ALG6: variants seen among roughly 807,000 people sequenced by gnomAD.
ALG6 encodes the protein ALG6 alpha-1,3-glucosyltransferase.
In ALG6, 46 loss-of-function variants were observed where a neutral mutation model predicts 66.6. The ratio of observed to expected loss-of-function variants is 0.69; its 90% CI spans 0.55 to 0.88. The LOEUF is 0.88. ALG6 is among the 40% of genes least tolerant of loss of function. ALG6 has a pLI of 0.00. For synonymous variants in ALG6, 185 were observed against 203.7 expected, an observed-to-expected ratio of 0.91 and a Z score of 0.78; for missense variants, 505 against 586.8, an observed-to-expected ratio of 0.86 and a Z score of 1.44.
In ALG6 at chr1:63,414,084, C is replaced by A. The variant is rs780422877; in HGVS notation, c.840C>A (p.Cys280Ter). The change falls in exon 10 of 15, where the codon TGC becomes TGA. Residue 280 changes from cysteine (C) to a stop codon, truncating the protein, a stop_gained. Transcript: ENST00000263440. LOFTEE classifies it high-confidence loss of function. ...LFEDKVANIW[C>*]SFNVFLKIKD... ...AGGATAAAGTAGCCAATATTTGGTG[C>A]AGCTTCAATGTCTTTCTGAAGATTA... The A allele has an allele frequency of 1.2e-6, 2 of 1,612,242 alleles. No individual in the cohort carries two copies. Among genetic ancestry groups the A allele is most frequent in the South Asian group, 2.2e-5 (2 of 91,052 alleles).
At chr1:63,400,223 G>GTATATA (rs1192053870) in intron 3 of ALG6, among the ~76,000 whole-genome samples, 2 of 6,134 alleles carry the variant, frequency 3.3e-4, no homozygotes, top group South Asian at 9.3e-3. Flanking sequence ...ATATATATAC[G>GTATATA]TATATATATA....
intron 5 of ALG6, among the ~76,000 whole-genome samples, chr1:63,405,586 C>T (rs1008955251): frequency 2.6e-5 from 4 of 152,046 alleles, no homozygotes; most frequent in South Asian, 4.1e-4. Flanking sequence ...TGAGGACTCT[C>T]GCCACTCTTT....
At chr1:63,407,777 C>T (rs1239951824) in intron 7 of ALG6, among the ~76,000 whole-genome samples, 8 of 149,732 alleles carry the variant, frequency 5.3e-5, no homozygotes, top group Admixed American at 3.4e-4. Flanking sequence ...AATAGCTTTT[C>T]CTTTTGATGC....
At chr1:63,428,892 A>G in intron 13 of ALG6, 36 bp from the exon 14 acceptor site, 1 of 1,597,294 alleles carries the variant, frequency 6.3e-7, no homozygotes, top group African/African-American at 1.3e-5. Context: ...TTGAATTGAT[A>G]ATTCTCTTGT....
intron 14 of ALG6, among the ~76,000 whole-genome samples, chr1:63,435,751 A>G (rs751859151): frequency 6.6e-6 from 1 of 151,952 alleles, no homozygotes; most frequent in Non-Finnish European, 1.5e-5. Context: ...ATTTAAATAA[A>G]AATTCTGTTC....
intron 12 of ALG6, among the ~76,000 whole-genome samples, chr1:63,422,252 T>TATTTATATAAATATAG (rs1280478627): frequency 5.3e-5 from 5 of 94,280 alleles, no homozygotes; most frequent in African/African-American, 2.2e-4. Flanking sequence ...TAAATATATA[T>TATTTATATAAATATAG]ATTTATATAG....
intron 3 of ALG6, among the ~76,000 whole-genome samples, chr1:63,397,434 C>A (rs1648859455): frequency 6.6e-6 from 1 of 152,106 alleles, no homozygotes; most frequent in African/African-American, 2.4e-5. Context: ...ATCCACCCAC[C>A]TTGACCTCCC....
At chr1:63,400,268 C>CAT (rs1644450730) in intron 3 of ALG6, among the ~76,000 whole-genome samples, 2 of 12,984 alleles carry the variant, frequency 1.5e-4, no homozygotes, top group Non-Finnish European at 2.8e-4. Flanking sequence ...TATATATATA[C>CAT]GTATATATAT....
In ALG6 at chr1:63,381,560, C is replaced by T. The variant is rs145941201; in HGVS notation, c.82+10501C>T. Among the ~76,000 whole-genome samples the T allele has an allele frequency of 4.7e-4, 71 of 151,996 alleles. No homozygotes were observed. In the East Asian group the frequency reaches 0.014, roughly 29 times the overall value. ...TGATAGTGGGGGCTGAGGGGGGATC[C>T]CTTGAGCCCAGAAGGTCAAGGCCGC... On this transcript the variant is annotated intron_variant, in intron 2 of 14. Transcript: ENST00000263440.
intron 1 of ALG6, among the ~76,000 whole-genome samples, chr1:63,369,752 C>T (rs887303330): frequency 2.0e-5 from 3 of 151,968 alleles, no homozygotes; most frequent in African/African-American, 7.3e-5. Flanking sequence ...TAAAGTGTAT[C>T]CTGTGGTTAA....
chr1:63,379,792 CATT>C (rs1254733820), intron 2 of ALG6, among the ~76,000 whole-genome samples: 1 of 148,836 alleles, frequency 6.7e-6, no homozygotes, highest in Non-Finnish European at 1.5e-5. Flanking sequence ...ATATATAAAA[CATT>C]ATATTATATA....
chr1:63,422,244 AATAT>A (rs1187346597), intron 12 of ALG6, among the ~76,000 whole-genome samples: 2 of 26,840 alleles, frequency 7.5e-5, no homozygotes, highest in Non-Finnish European at 1.1e-4. Context: ...TATATATATA[AATAT>A]ATATATTTAT....
chr1:63,431,666 A>G (rs1199793694), intron 14 of ALG6, among the ~76,000 whole-genome samples: 1 of 152,160 alleles, frequency 6.6e-6, no homozygotes. Context: ...ATGTGTTTCC[A>G]TTTATTTAGA....
chr1:63,433,270 G>A lies in ALG6; in HGVS notation c.1327-3553G>A, dbSNP rs75782983. Among the ~76,000 whole-genome samples the A allele has an allele frequency of 0.012, 1,875 of 152,254 alleles. 42 individuals are homozygous for A. Among genetic ancestry groups the A allele is most frequent in the African/African-American group, 0.043 (1,792 of 41,536 alleles). Reference sequence around the variant, plus strand: ...AGGCTATACTTATTTATATTTTTGAGTACTACATAGAGGATTGCCCAAAGT... The same window carrying A: ...AGGCTATACTTATTTATATTTTTGAATACTACATAGAGGATTGCCCAAAGT... On this transcript the variant is annotated intron_variant, in intron 14 of 14. Coordinates refer to ENST00000263440, the MANE Select transcript of ALG6 (RefSeq NM_013339.4). The surrounding 1 kb of genome is among the most constrained non-coding windows in gnomAD (Gnocchi z 4.2).
intron 2 of ALG6, among the ~76,000 whole-genome samples, chr1:63,377,815 C>A (rs1308605519): frequency 6.6e-6 from 1 of 152,152 alleles, no homozygotes; most frequent in Non-Finnish European, 1.5e-5. Context: ...TTCATTGCAG[C>A]CTTGACTTCC....
intron 12 of ALG6, among the ~76,000 whole-genome samples, chr1:63,424,214 C>T (rs192059205): frequency 6.2e-4 from 95 of 152,264 alleles, no homozygotes; most frequent in African/African-American, 2.1e-3. Context: ...GGTCTCAGCT[C>T]ACTGCAACCT....
At position 63,437,188 on chromosome 1, in the gene ALG6, A is replaced by G; in HGVS notation, c.*168A>G. ...ATTGTTGTCTACACAAAATAAATGT[A>G]TATGGAGACCAAAGACCAATGGAGG... On this transcript the variant is annotated 3_prime_UTR_variant, in exon 15 of 15. Coordinates refer to ENST00000263440, the MANE Select transcript of ALG6 (RefSeq NM_013339.4). 1 of 633,340 alleles carries G rather than the reference A, an allele frequency of 1.6e-6. No homozygotes were observed. Among genetic ancestry groups the G allele is most frequent in the Non-Finnish European group, 2.7e-6 (1 of 374,390 alleles). The allele number at this position is 633,340 out of a possible 1,614,324, so 39.2% of individuals were successfully genotyped here.
intron 14 of ALG6, among the ~76,000 whole-genome samples, chr1:63,431,676 A>G (rs1644646366): frequency 6.6e-6 from 1 of 152,106 alleles, no homozygotes; most frequent in Non-Finnish European, 1.5e-5. Context: ...ATTTATTTAG[A>G]TATTTAATTT....
intron 2 of ALG6, among the ~76,000 whole-genome samples, chr1:63,375,904 T>C (rs1648108554): frequency 6.6e-6 from 1 of 152,204 alleles, no homozygotes; most frequent in Non-Finnish European, 1.5e-5. Context: ...TTATTCATAA[T>C]GTTTTCTTAC....
Sources: gnomAD v4.1 joint callset for allele counts (sites outside exome capture counted in the v4.1 genomes callset) on GRCh38, gnomAD v4.1.1 for gene constraint, Gnocchi (gnomAD v3.1) non-coding constraint, MANE v1.5 for transcripts, NCBI Gene and HGNC (gene_info 2026-07-23, HGNC 2026-07-21) for gene names.